ANGPT4: variants seen among roughly 807,000 people sequenced by gnomAD.
ANGPT4 encodes angiopoietin-4.
A neutral mutation model predicts 53.0 loss-of-function variants in ANGPT4; 50 were observed. That is an observed-to-expected ratio of 0.94 (90% CI 0.75 to 1.20). ANGPT4 has a LOEUF of 1.20. Ranked by LOEUF, ANGPT4 falls within the 50% of genes most tolerant of loss-of-function variation. The pLI, the probability that ANGPT4 is intolerant of heterozygous loss-of-function variation, is 0.00. For synonymous variants in ANGPT4, 251 were observed against 259.7 expected (o/e 0.97, Z 0.32); for missense variants, 648 against 637.1 (o/e 1.02, Z -0.18).
rs905467687 is a variant in ANGPT4 at position 888,494 on chromosome 20, G to A, written c.466-55C>T. ...GCTGCGTAAGCGCTACAGGAGCCCT[G>A]CCCAACCACCCACCTGCCCACAGGC... On this transcript the variant is annotated intron_variant, in intron 2 of 8. Coordinates refer to ENST00000381922, the MANE Select transcript of ANGPT4 (RefSeq NM_015985.4). The A allele has an allele frequency of 8.3e-6, 13 of 1,559,020 alleles. No homozygotes were observed. In the African/African-American group the frequency reaches 1.6e-4, roughly 20 times the overall value.
chr20:891,174 C>T (rs1981830995), intron 1 of ANGPT4, among the ~76,000 whole-genome samples: 1 of 152,238 alleles, frequency 6.6e-6, no homozygotes, highest in Non-Finnish European at 1.5e-5. Context: ...AGCGCCCAAT[C>T]ACATGCCCCT....
At position 881,173 on chromosome 20, in the gene ANGPT4, TC is replaced by T. The variant is rs1259310022; in HGVS notation, c.948del (p.Lys317ArgfsTer24). The T allele has an allele frequency of 4.4e-6, 7 of 1,581,268 alleles. No homozygotes were observed. The African/African-American group carries it at 9.5e-5, about 21-fold the overall frequency. On this transcript the variant is annotated frameshift_variant, in exon 5 of 9. Coordinates refer to ENST00000381922, the MANE Select transcript of ANGPT4 (RefSeq NM_015985.4). LOFTEE classifies it high-confidence loss of function. ...TIQVSNATKP[R>X]KVFCDLQSSG... ...CAGTTCCCAGGGAGCCCCCTAACCT[TC>T]CTGGGCTTCGTTGCATTGGACACCT... is the stretch of plus-strand genomic sequence containing the variant.
intron 1 of ANGPT4, among the ~76,000 whole-genome samples, chr20:900,634 TA>T (rs1159813549): frequency 5.3e-5 from 8 of 152,144 alleles, no homozygotes; most frequent in African/African-American, 1.7e-4. Context: ...TTCTTATTAT[TA>T]ATATAAAAAG....
At chr20:876,728 G>A (rs778213740) in intron 7 of ANGPT4, among the ~76,000 whole-genome samples, 40 of 152,052 alleles carry the variant, frequency 2.6e-4, no homozygotes, top group Non-Finnish European at 5.1e-4. Flanking sequence ...ATGGGACTCA[G>A]CATAGTGTTG....
At chr20:875,628 CT>C in intron 7 of ANGPT4, among the ~76,000 whole-genome samples, 1 of 152,288 alleles carries the variant, frequency 6.6e-6, no homozygotes, top group Middle Eastern at 3.4e-3. Context: ...CAGTGCTGCC[CT>C]CGTTTATTAT....
At chr20:899,303 A>C (rs866251914) in intron 1 of ANGPT4, among the ~76,000 whole-genome samples, 1 of 151,424 alleles carries the variant, frequency 6.6e-6, no homozygotes, top group Non-Finnish European at 1.5e-5. Context: ...GCTGGAGTGC[A>C]GTGGCGCGAT....
Position 873,181 on chromosome 20 carries a change from G to A in ANGPT4, c.1352-61C>T, listed in dbSNP as rs367899748. 5.1e-6 allele frequency: 7 copies of A among 1,377,546 alleles called. No individual in the cohort carries two copies. In the East Asian group the frequency reaches 1.5e-4, roughly 30 times the overall value. 85.3% of individuals were successfully genotyped at this position (1,377,546 alleles called of 1,614,324 possible). On this transcript the variant is annotated intron_variant, in intron 8 of 8. Coordinates refer to ENST00000381922, the MANE Select transcript of ANGPT4 (RefSeq NM_015985.4). ...TGGGAGCCCAGCCAGTGGCAAGAGG[G>A]CAGCCCCTGTGTCCCAAAGAGAACA... is the stretch of plus-strand genomic sequence containing the variant.
chr20:879,722 C>G (rs1448116084), intron 6 of ANGPT4, 25 bp downstream of exon 6: 1 of 1,600,966 alleles, frequency 6.2e-7, no homozygotes, highest in South Asian at 1.1e-5. Flanking sequence ...AGCAGAATGG[C>G]CCCTCCCCAA....
In ANGPT4 at chr20:872,958, C is replaced by T. The variant is rs754971249; in HGVS notation, c.*2G>A. The T allele has an allele frequency of 3.1e-5, 50 of 1,613,670 alleles. No individual in the cohort carries two copies. The highest frequency in any genetic ancestry group is 6.7e-5 in the East Asian group (3 of 44,884). On this transcript the variant is annotated 3_prime_UTR_variant, in exon 9 of 9. Coordinates refer to ENST00000381922, the MANE Select transcript of ANGPT4 (RefSeq NM_015985.4). ...TGGTCCAGCCTCTGGCACAGCTGCTCGTTAGATGTCCAAAGGCCGTATCAT... is the reference window on the plus strand; with the variant it reads ...TGGTCCAGCCTCTGGCACAGCTGCTTGTTAGATGTCCAAAGGCCGTATCAT...
chr20:903,085 T>C (rs371776258), intron 1 of ANGPT4, among the ~76,000 whole-genome samples: 1 of 152,130 alleles, frequency 6.6e-6, no homozygotes, highest in African/African-American at 2.4e-5. Context: ...AAAGTGGTGC[T>C]TCCCTCACCC....
chr20:891,102 G>A (rs1981828689), intron 1 of ANGPT4, among the ~76,000 whole-genome samples: 1 of 152,182 alleles, frequency 6.6e-6, no homozygotes, highest in Non-Finnish European at 1.5e-5. Flanking sequence ...TGCACAGTGA[G>A]TGCTCATAAA....
intron 1 of ANGPT4, among the ~76,000 whole-genome samples, chr20:906,086 T>A (rs1982468208): frequency 6.6e-6 from 1 of 152,118 alleles, no homozygotes; most frequent in Admixed American, 6.5e-5. Context: ...CCTTGTGTAG[T>A]CCCCTCTCTC....
intron 2 of ANGPT4, 142 bp downstream of exon 2, chr20:890,071 G>A: frequency 3.0e-6 from 3 of 1,012,740 alleles, no homozygotes; most frequent in Non-Finnish European, 4.3e-6. Context: ...AAGTTCATCA[G>A]GGAGGAGGGA....
rs559887554 is a variant in ANGPT4 at position 879,622 on chromosome 20, G to T, written c.1053+125C>A. On this transcript the variant is annotated intron_variant, in intron 6 of 8. Transcript: ENST00000381922. ...GGGTCCCATAAAGCAGATGTGCACT[G>T]TCAGCTTTAGATGAGTTGATTTTTT... is the stretch of plus-strand genomic sequence containing the variant. 53 of 607,326 alleles carry T rather than the reference G, an allele frequency of 8.7e-5. No homozygotes were observed. In the African/African-American group the frequency reaches 9.6e-4, roughly 11 times the overall value. 37.6% of individuals were successfully genotyped at this position (607,326 alleles called of 1,614,324 possible).
chr20:905,547 G>A (rs887478921), intron 1 of ANGPT4, among the ~76,000 whole-genome samples: 18 of 152,098 alleles, frequency 1.2e-4, no homozygotes, highest in African/African-American at 4.1e-4. Flanking sequence ...ACTGGTGCCA[G>A]GGCAGAAAGA....
At chr20:874,461 G>T (rs374899414) in intron 7 of ANGPT4, 47 bp from the exon 8 acceptor site, 11 of 1,608,416 alleles carry the variant, frequency 6.8e-6, no homozygotes, top group Admixed American at 1.7e-5. Context: ...CCAGAGTCAG[G>T]TTGGGGCTGT....
Position 881,177 on chromosome 20 carries a change from G to A in ANGPT4, c.945C>T (p.Pro315=). The A allele has an allele frequency of 6.3e-7, 1 of 1,584,254 alleles. No homozygotes were observed. Among genetic ancestry groups the A allele is most frequent in the Non-Finnish European group, 8.6e-7 (1 of 1,165,040 alleles). Residue 315 remains proline, a synonymous_variant, in exon 5 of 9, where the codon CCC becomes CCT. Transcript: ENST00000381922. ...TCCCAGGGAGCCCCCTAACCTTCCT[G>A]GGCTTCGTTGCATTGGACACCTGGA... ...YTIQVSNATK[P]RKVFCDLQSS... is the part of the protein sequence containing the mutation.
In ANGPT4 at chr20:872,802, ATGACCCTTCTGGACTTC is replaced by A. The variant is rs1178490165; in HGVS notation, c.*141_*157del. On this transcript the variant is annotated 3_prime_UTR_variant, in exon 9 of 9. Coordinates refer to ENST00000381922, the MANE Select transcript of ANGPT4 (RefSeq NM_015985.4). ...CAGACGGAGGGGAGTTGGGGGGCAG[ATGACCCTTCTGGACTTC>A]TGGGTCAAGGAGGGCTGGCTCAGGA... The A allele has an allele frequency of 1.8e-4, 155 of 864,554 alleles. No homozygotes were observed. Among genetic ancestry groups the A allele is most frequent in the Non-Finnish European group, 2.6e-4 (146 of 560,722 alleles). The allele number at this position is 864,554 out of a possible 1,614,324, so 53.6% of individuals were successfully genotyped here. A position where few individuals can be genotyped will look rare whatever the true frequency, so the allele number is the denominator to read the frequency against.
At chr20:900,394 A>G (rs1982241944) in intron 1 of ANGPT4, among the ~76,000 whole-genome samples, 1 of 152,182 alleles carries the variant, frequency 6.6e-6, no homozygotes, top group Non-Finnish European at 1.5e-5. Context: ...GTCTGGGTAC[A>G]AGAAACCTTT....
Sources: gnomAD v4.1 joint callset for allele counts (sites outside exome capture counted in the v4.1 genomes callset) on GRCh38, gnomAD v4.1.1 for gene constraint, MANE v1.5 for transcripts, NCBI Gene and HGNC (gene_info 2026-07-23, HGNC 2026-07-21) for gene names.